The following FER1L6 variants were observed in gnomAD, a reference collection of about 807,000 sequenced individuals.
FER1L6 encodes fer-1-like protein 6.
A neutral mutation model predicts 219.2 loss-of-function variants in FER1L6; 177 were observed. The observed-to-expected ratio is 0.81, with a 90% CI of 0.71 to 0.91. The LOEUF is 0.91. FER1L6 is among the 40% of genes least tolerant of loss of function. The pLI, the probability that FER1L6 is intolerant of heterozygous loss-of-function variation, is 0.00. For synonymous variants in FER1L6, 768 were observed against 824.3 expected (o/e 0.93, Z 1.17); for missense variants, 2,153 against 2,259.9 (o/e 0.95, Z 0.96).
Position 124,097,879 on chromosome 8 carries a change from A to C in FER1L6, c.4879A>C (p.Lys1627Gln). Residue 1627 changes from lysine (K) to glutamine (Q), a missense_variant, in exon 37 of 41, where the codon AAA (lysine) becomes CAA (glutamine). Coordinates refer to ENST00000522917, the MANE Select transcript of FER1L6 (RefSeq NM_001039112.2). The part of the protein sequence containing the change: ...TGQKSSDIYV[K>Q]GWLKGLEDDK... ...CCAAAAATCAAGTGATATTTATGTG[A>C]AAGGGTAAGGTTATCAACAAACTCC... 1 of 1,538,092 alleles carries C rather than the reference A, an allele frequency of 6.5e-7. No individual in the cohort carries two copies. The highest frequency in any genetic ancestry group is 9.0e-7 in the Non-Finnish European group (1 of 1,110,906).
At chr8:124,073,051 TCATACCTTTTTTC>T (rs368490726) in intron 31 of FER1L6, among the ~76,000 whole-genome samples, 12 of 55,482 alleles carry the variant, frequency 2.2e-4, no homozygotes, top group African/African-American at 1.2e-3. Context: ...AACTTTTGCC[TCATACCTTTTTTC>T]CCCTGCAGAA....
chr8:124,019,332 C>A (rs4329257), intron 16 of FER1L6, among the ~76,000 whole-genome samples: 7,287 of 152,264 alleles, frequency 0.048, 275 homozygotes, highest in East Asian at 0.15. Context: ...AAATTCAGCT[C>A]AAATGTCATA....
intron 33 of FER1L6, among the ~76,000 whole-genome samples, chr8:124,084,376 A>G (rs1022472256): frequency 1.3e-5 from 2 of 152,044 alleles, no homozygotes; most frequent in East Asian, 3.9e-4. Context: ...CCCATTCAGT[A>G]TGATCCTAGC....
At position 123,956,090 on chromosome 8, in the gene FER1L6, G is replaced by C; in HGVS notation, c.76+16G>C. The C allele has an allele frequency of 6.2e-7, 1 of 1,604,862 alleles. No homozygotes were observed. Among genetic ancestry groups the C allele is most frequent in the South Asian group, 1.1e-5 (1 of 89,214 alleles). On this transcript the variant is annotated intron_variant, in intron 2 of 40. Coordinates refer to ENST00000522917, the MANE Select transcript of FER1L6 (RefSeq NM_001039112.2). ...GCTGCGAAAGGTGAGGCTGGGGGTG[G>C]GGTGCTGACCATTGGGGCCTGAGAG... is the stretch of plus-strand genomic sequence containing the variant.
At position 124,089,659 on chromosome 8, in the gene FER1L6, AT is replaced by A. The variant is rs556475536; in HGVS notation, c.4392-1759del. 1.8e-3 allele frequency among the ~76,000 whole-genome samples: 274 copies of A among 152,340 alleles called. 3 individuals are homozygous for A. The highest frequency in any genetic ancestry group is 2.4e-3 in the Non-Finnish European group (162 of 68,032). On this transcript the variant is annotated intron_variant, in intron 33 of 40. Coordinates refer to ENST00000522917, the MANE Select transcript of FER1L6 (RefSeq NM_001039112.2). ...AAGAGTATGGCATAATTTTAAAAAT[AT>A]TTTTATTAAATATGACACACTCATT...
chr8:123,926,222 G>A (rs561710251), intron 1 of FER1L6, among the ~76,000 whole-genome samples: 1 of 152,222 alleles, frequency 6.6e-6, no homozygotes, highest in African/African-American at 2.4e-5. Flanking sequence ...ATTCCTGGAA[G>A]TTCAAGAGAA....
Position 123,975,201 on chromosome 8 carries a change from G to A in FER1L6, c.578G>A (p.Arg193Lys). Residue 193 changes from arginine (R) to lysine (K), a missense_variant, in exon 8 of 41, where the codon AGG becomes AAG. Arg to Lys is a conservative substitution (Grantham distance 26, BLOSUM62 2). Transcript: ENST00000522917. ...CTGCTCACAGACCCTGGTGACATCA[G>A]GACTGGCACCAAGGGGTACCTGAAA... ...WALLTDPGDIRTGTKGYLKCD... is the reference protein window; with the variant it reads ...WALLTDPGDIKTGTKGYLKCD... 1.2e-6 allele frequency: 2 copies of A among 1,612,548 alleles called. No homozygotes were observed. Among genetic ancestry groups the A allele is most frequent in the South Asian group, 2.2e-5 (2 of 90,892 alleles).
chr8:123,931,527 A>C (rs1813771223), intron 1 of FER1L6, among the ~76,000 whole-genome samples: 1 of 152,240 alleles, frequency 6.6e-6, no homozygotes, highest in African/African-American at 2.4e-5. Flanking sequence ...TGGGTTAAGA[A>C]ACCCTCACAA....
chr8:124,017,456 T>G (rs1193319528), intron 15 of FER1L6, among the ~76,000 whole-genome samples, 172 bp from the exon 16 acceptor site: 1 of 152,204 alleles, frequency 6.6e-6, no homozygotes, highest in African/African-American at 2.4e-5. Context: ...CAGTTATCAT[T>G]TTGTCTCTTG....
chr8:124,113,146 TA>T (rs1239294483), intron 39 of FER1L6, among the ~76,000 whole-genome samples: 1 of 152,148 alleles, frequency 6.6e-6, no homozygotes, highest in Non-Finnish European at 1.5e-5. Flanking sequence ...ATTCTCAAAA[TA>T]AAAATGCCAG....
At chr8:123,856,359 G>T (rs1816650620) in intron 1 of FER1L6, among the ~76,000 whole-genome samples, 1 of 90,774 alleles carries the variant, frequency 1.1e-5, no homozygotes, top group African/African-American at 4.7e-5. Flanking sequence ...TTAGGGTCCA[G>T]GCCTCATACT....
At chr8:124,074,533 T>C (rs1232186849) in intron 31 of FER1L6, among the ~76,000 whole-genome samples, 1 of 151,644 alleles carries the variant, frequency 6.6e-6, no homozygotes, top group Non-Finnish European at 1.5e-5. Flanking sequence ...ATGCCTGTAG[T>C]TCCAGCTACT....
Position 123,963,413 on chromosome 8 carries a change from C to G in FER1L6, c.197+15C>G. ...CCAAAGAGAAGGTACAGTATGGATG[C>G]AGGTGGTCAACACACATTTGCTGAG... On this transcript the variant is annotated intron_variant, in intron 3 of 40. Transcript: ENST00000522917. The G allele has an allele frequency of 6.2e-7, 1 of 1,613,476 alleles. No individual in the cohort carries two copies. The highest frequency in any genetic ancestry group is 8.5e-7 in the Non-Finnish European group (1 of 1,179,550).
chr8:123,857,740 A>G (rs1300008615), intron 1 of FER1L6, among the ~76,000 whole-genome samples: 1 of 152,114 alleles, frequency 6.6e-6, no homozygotes, highest in African/African-American at 2.4e-5. Context: ...GTCCTCCATG[A>G]GGCCCCTCAG....
Position 123,982,721 on chromosome 8 carries a change from C to T in FER1L6, c.1410+1910C>T, listed in dbSNP as rs146388599. Among the ~76,000 whole-genome samples the T allele has an allele frequency of 7.9e-5, 12 of 152,262 alleles. 1 individual carries two copies. In the East Asian group the frequency reaches 1.5e-3, roughly 20 times the overall value. ...GGATCTCATGAAGTTTCCATCAAGG[C>T]GAGGGCAGGGGCTGTCATGATCTGA... On this transcript the variant is annotated intron_variant, in intron 11 of 40. Transcript: ENST00000522917.
At chr8:123,955,199 G>C (rs1376333848) in intron 1 of FER1L6, among the ~76,000 whole-genome samples, 1 of 152,146 alleles carries the variant, frequency 6.6e-6, no homozygotes, top group Admixed American at 6.5e-5. Context: ...AACCCGGGAG[G>C]TGGAGGTGGC....
intron 15 of FER1L6, among the ~76,000 whole-genome samples, chr8:124,014,836 T>C (rs113030851): frequency 0.015 from 2,339 of 152,306 alleles, 46 homozygotes; most frequent in African/African-American, 0.053. Context: ...ATAGTTATTA[T>C]CTCACTGTTT....
intron 1 of FER1L6, among the ~76,000 whole-genome samples, chr8:123,863,009 T>A (rs1344030253): frequency 7.2e-6 from 1 of 137,934 alleles, no homozygotes; most frequent in African/African-American, 3.3e-5. Context: ...AGTTATTTCT[T>A]GCCTTCTGCT....
At chr8:124,103,596 A>G (rs527827664) in intron 39 of FER1L6, among the ~76,000 whole-genome samples, 1 of 152,272 alleles carries the variant, frequency 6.6e-6, no homozygotes, top group Admixed American at 6.5e-5. Context: ...GTAATGTACA[A>G]TTTCAATGCA....
Sources: allele counts gnomAD v4.1 joint callset (sites outside exome capture counted in the v4.1 genomes callset), GRCh38; gene constraint gnomAD v4.1.1; transcripts MANE v1.5; gene names NCBI Gene and HGNC (gene_info 2026-07-23, HGNC 2026-07-21).